The following RYR2 variants were observed in gnomAD, a reference collection of about 807,000 sequenced individuals.
The protein encoded by RYR2 is ryanodine receptor 2.
In RYR2, 227 loss-of-function variants were observed where a neutral mutation model predicts 601.1. The observed-to-expected ratio is 0.38, with a 90% CI of 0.34 to 0.42. RYR2 has a LOEUF of 0.42. Among genes scored for constraint, RYR2 ranks in the 10% least tolerant of loss-of-function variants. The probability of loss-of-function intolerance (pLI) is 1.00; values close to 1 mark genes in which losing one functional copy is unlikely to be tolerated. For synonymous variants in RYR2, 2,223 were observed against 2,175.1 expected (o/e 1.02, Z -0.61); for missense variants, 4,646 against 6,156.5 (o/e 0.75, Z 8.21).
chr1:237,606,126 A>C lies in RYR2; in HGVS notation c.4683+4015A>C, dbSNP rs550568982. ...CATTGCCAAGTCAATCCTAAGCCAAAAGAACAAAGCTGGAGGCATCATGCT... is the reference window on the plus strand; with the variant it reads ...CATTGCCAAGTCAATCCTAAGCCAACAGAACAAAGCTGGAGGCATCATGCT... On this transcript the variant is annotated intron_variant, in intron 35 of 104. Transcript: ENST00000366574. Among the ~76,000 whole-genome samples the C allele has an allele frequency of 8.7e-3, 1,324 of 151,852 alleles. 16 individuals are homozygous for C. The highest frequency in any genetic ancestry group is 0.03 in the African/African-American group (1,233 of 41,456).
intron 1 of RYR2, among the ~76,000 whole-genome samples, chr1:237,188,255 C>CTT (rs11446271): frequency 4.1e-4 from 61 of 148,962 alleles, no homozygotes; most frequent in Admixed American, 8.0e-4. Context: ...TTCAGCATTG[C>CTT]TTTTTTTTTT....
chr1:237,329,924 A>T (rs1236987767), intron 2 of RYR2, among the ~76,000 whole-genome samples: 8 of 152,224 alleles, frequency 5.3e-5, no homozygotes, highest in Non-Finnish European at 1.2e-4. Context: ...TACACAGAAC[A>T]GGACCAAGTT....
chr1:237,194,010 C>T (rs1369812097), intron 1 of RYR2, among the ~76,000 whole-genome samples: 1 of 152,174 alleles, frequency 6.6e-6, no homozygotes, highest in Non-Finnish European at 1.5e-5. Flanking sequence ...AAACAGAATC[C>T]TTTTGATGTC....
At chr1:237,779,517 G>A (rs140183281) in intron 88 of RYR2, among the ~76,000 whole-genome samples, 3 of 152,208 alleles carry the variant, frequency 2.0e-5, no homozygotes, top group African/African-American at 4.8e-5. Flanking sequence ...ACAGAATGCT[G>A]TCATTCTAAT....
intron 65 of RYR2, among the ~76,000 whole-genome samples, chr1:237,700,780 A>G (rs1484119473): frequency 6.6e-6 from 1 of 152,210 alleles, no homozygotes. Flanking sequence ...GTTTTAATGC[A>G]GTTGAACCAT....
intron 10 of RYR2, among the ~76,000 whole-genome samples, chr1:237,392,298 A>G (rs573617862): frequency 6.6e-6 from 1 of 152,130 alleles, no homozygotes; most frequent in Non-Finnish European, 1.5e-5. Flanking sequence ...TTTATTGTAC[A>G]TTAAAAAATA....
chr1:237,201,264 G>A (rs1242335394), intron 1 of RYR2, among the ~76,000 whole-genome samples: 3 of 152,180 alleles, frequency 2.0e-5, no homozygotes, highest in South Asian at 2.1e-4. Context: ...GTCTATTAGT[G>A]TCACATTGAG....
At chr1:237,577,519 T>A (rs1171512601) in intron 29 of RYR2, among the ~76,000 whole-genome samples, 63 of 70,446 alleles carry the variant, frequency 8.9e-4, no homozygotes, top group East Asian at 6.9e-3. Flanking sequence ...TGTGTGTGTG[T>A]GTGTGTGTGT....
intron 1 of RYR2, among the ~76,000 whole-genome samples, chr1:237,209,406 G>A (rs1049413793): frequency 2.0e-5 from 3 of 151,464 alleles, no homozygotes; most frequent in Non-Finnish European, 4.4e-5. Flanking sequence ...TTTACAAATT[G>A]CATATGACAT....
chr1:237,696,540 C>CT (rs55771611), intron 63 of RYR2, among the ~76,000 whole-genome samples: 34,826 of 138,592 alleles, frequency 0.25, 5,194 homozygotes, highest in Middle Eastern at 0.45. Flanking sequence ...GCACTGCAGA[C>CT]TTTTTTTTTT....
At chr1:237,654,155 G>A (rs968476060) in intron 51 of RYR2, 119 bp from the exon 52 acceptor site, 1 of 1,204,134 alleles carries the variant, frequency 8.3e-7, no homozygotes, top group Non-Finnish European at 1.2e-6. Flanking sequence ...TATGGGATTG[G>A]GCAATTTCAC....
At chr1:237,530,397 A>G (rs1388999983) in intron 24 of RYR2, 30 bp from the exon 25 acceptor site, 1 of 1,523,330 alleles carries the variant, frequency 6.6e-7, no homozygotes, top group East Asian at 2.3e-5. Flanking sequence ...AGAAGAAATG[A>G]TCACACTTAT....
At chr1:237,825,923 A>C (rs1438322131) in intron 101 of RYR2, among the ~76,000 whole-genome samples, 1 of 152,224 alleles carries the variant, frequency 6.6e-6, no homozygotes, top group African/African-American at 2.4e-5. Context: ...AAAATAGGTC[A>C]TCACTGGTCA....
chr1:237,435,460 C>T (rs892154802), intron 12 of RYR2, among the ~76,000 whole-genome samples: 1 of 151,984 alleles, frequency 6.6e-6, no homozygotes, highest in Non-Finnish European at 1.5e-5. Flanking sequence ...CAAAGTTACC[C>T]ATGGAGATGA....
chr1:237,486,740 G>C (rs1227219351), intron 17 of RYR2, among the ~76,000 whole-genome samples: 2 of 152,054 alleles, frequency 1.3e-5, no homozygotes, highest in Non-Finnish European at 2.9e-5. Flanking sequence ...AGTTATGCAT[G>C]CTCATTTCAC....
intron 10 of RYR2, among the ~76,000 whole-genome samples, chr1:237,405,175 C>G (rs1013378862): frequency 6.6e-6 from 1 of 152,138 alleles, no homozygotes; most frequent in South Asian, 2.1e-4. Context: ...TGTGACATCA[C>G]CTTGGGAATG....
intron 70 of RYR2, among the ~76,000 whole-genome samples, 166 bp downstream of exon 70, chr1:237,709,733 A>G (rs1477593194): frequency 6.6e-6 from 1 of 152,180 alleles, no homozygotes; most frequent in African/African-American, 2.4e-5. Context: ...TAAAAAAATC[A>G]CAGGGATTTT....
chr1:237,610,982 A>G lies in RYR2; in HGVS notation c.4904A>G (p.Glu1635Gly), dbSNP rs775882877. ...LQFMSLHIPE[E>G]NRSVDILELT... ...TTCATGTCTCTTCATATCCCTGAGG[A>G]AAACAGGTCAGCCCCAGTGAATCCC... Residue 1635 changes from glutamate to glycine, a missense_variant, in exon 36 of 105, where the codon GAA becomes GGA. Glu to Gly is a moderately conservative substitution (Grantham distance 98). Coordinates refer to ENST00000366574, the MANE Select transcript of RYR2 (RefSeq NM_001035.3). The surrounding 1 kb of genome is among the most constrained non-coding windows in gnomAD (Gnocchi z 4.9). 4.3e-6 allele frequency: 7 copies of G among 1,611,248 alleles called. No individual in the cohort carries two copies. The South Asian group carries it at 6.6e-5, about 15-fold the overall frequency.
At chr1:237,511,618 C>A in intron 23 of RYR2, 70 bp from the exon 24 acceptor site, 1 of 1,218,720 alleles carries the variant, frequency 8.2e-7, no homozygotes, top group Non-Finnish European at 1.2e-6. Flanking sequence ...CTTTCTACCA[C>A]ACAGTTGAAT....
Sources: gnomAD v4.1 joint callset for allele counts (sites outside exome capture counted in the v4.1 genomes callset) on GRCh38, gnomAD v4.1.1 for gene constraint, Gnocchi (gnomAD v3.1) non-coding constraint, MANE v1.5 for transcripts, NCBI Gene and HGNC (gene_info 2026-07-23, HGNC 2026-07-21) for gene names.